NOX4: variants seen among roughly 807,000 people sequenced by gnomAD.
NOX4 encodes NADPH oxidase 4.
NOX4 carries 69 observed loss-of-function variants against 87.6 expected under a neutral mutation model. The observed-to-expected ratio is 0.79, with a 90% CI of 0.65 to 0.96. The LOEUF is 0.96. NOX4 is among the 40% of genes least tolerant of loss of function. NOX4 has a pLI of 0.00. For synonymous variants in NOX4, 275 were observed against 238.2 expected (o/e 1.15, Z -1.42); for missense variants, 680 against 681.5 (o/e 1.00, Z 0.02).
Position 89,325,314 on chromosome 11 carries a change from G to C in NOX4, c.*1442C>G, listed in dbSNP as rs776081720. ...AATATTTGTATTTTTAGTAGCGATGGGGTTTCACCAACTTGGTCAGGCTGG... is the reference window on the plus strand; with the variant it reads ...AATATTTGTATTTTTAGTAGCGATGCGGTTTCACCAACTTGGTCAGGCTGG... On this transcript the variant is annotated 3_prime_UTR_variant, in exon 18 of 18. Coordinates refer to ENST00000263317, the MANE Select transcript of NOX4 (RefSeq NM_016931.5). 1 of 151,844 alleles carries C rather than the reference G, an allele frequency of 6.6e-6. No homozygotes were observed. Among genetic ancestry groups the C allele is most frequent in the Non-Finnish European group, 1.5e-5 (1 of 67,988 alleles). 9.4% of individuals were successfully genotyped at this position (151,844 alleles called of 1,614,324 possible).
At chr11:89,470,604 C>T (rs1945890740) in intron 2 of NOX4, among the ~76,000 whole-genome samples, 1 of 152,136 alleles carries the variant, frequency 6.6e-6, no homozygotes, top group African/African-American at 2.4e-5. Flanking sequence ...ACCCTCCACT[C>T]TCTCTCTATT....
intron 2 of NOX4, among the ~76,000 whole-genome samples, chr11:89,468,562 T>C (rs935849307): frequency 2.6e-5 from 4 of 152,200 alleles, no homozygotes; most frequent in Admixed American, 2.0e-4. Context: ...CATATAGGTT[T>C]TCTTCACATG....
At chr11:89,524,134 G>A in the NOX4 span, among the ~76,000 whole-genome samples, 1 of 152,220 alleles carries the variant, frequency 6.6e-6, no homozygotes. Flanking sequence ...AGTAGATGCT[G>A]TTTATTCTCC....
chr11:89,436,419 G>T (rs1944084412), intron 6 of NOX4, among the ~76,000 whole-genome samples: 2 of 152,274 alleles, frequency 1.3e-5, no homozygotes, highest in South Asian at 4.1e-4. Flanking sequence ...AAAGTTGCTT[G>T]TCCAAGTGAA....
chr11:89,566,804 G>T, the NOX4 span, among the ~76,000 whole-genome samples: 1 of 152,166 alleles, frequency 6.6e-6, no homozygotes, highest in Non-Finnish European at 1.5e-5. Flanking sequence ...ACCAGGACTT[G>T]TTCCCAGCCC....
At chr11:89,412,989 A>G (rs1191123443) in intron 8 of NOX4, among the ~76,000 whole-genome samples, 1 of 152,124 alleles carries the variant, frequency 6.6e-6, no homozygotes, top group Admixed American at 6.5e-5. Context: ...TAAGAAAAAA[A>G]TCTAATAATC....
intron 4 of NOX4, among the ~76,000 whole-genome samples, chr11:89,444,760 T>C (rs1944615646): frequency 6.6e-6 from 1 of 152,090 alleles, no homozygotes. Context: ...TAAATCATAA[T>C]ATTCTTAACC....
At chr11:89,473,002 A>C (rs548707427) in intron 2 of NOX4, among the ~76,000 whole-genome samples, 1 of 152,184 alleles carries the variant, frequency 6.6e-6, no homozygotes, top group Non-Finnish European at 1.5e-5. Context: ...CAAGTGAAAA[A>C]GGTTTGACCT....
At chr11:89,492,308 T>A (rs545256014), upstream of NOX4, 1 of 152,268 alleles carries the variant, frequency 6.6e-6, no homozygotes, top group East Asian at 1.9e-4. Flanking sequence ...CCAATAAAGG[T>A]TTGTTAAACC....
rs982464878 is a variant in NOX4, at chr11:89,400,095, C to G, written c.1012-16G>C. 1.9e-6 allele frequency: 3 copies of G among 1,594,428 alleles called. No individual in the cohort carries two copies. Among genetic ancestry groups the G allele is most frequent in the Non-Finnish European group, 2.6e-6 (3 of 1,167,122 alleles). On this transcript the variant is annotated splice_polypyrimidine_tract_variant and intron_variant, in intron 10 of 17. Coordinates refer to ENST00000263317, the MANE Select transcript of NOX4 (RefSeq NM_016931.5). Reference sequence around the variant, plus strand: ...GAGTAATATACTAAAAAGCAACAAACAGATAAGTTTTAAATGACCAATTAA... The same window carrying G: ...GAGTAATATACTAAAAAGCAACAAAGAGATAAGTTTTAAATGACCAATTAA...
intron 3 of NOX4, among the ~76,000 whole-genome samples, chr11:89,450,644 C>T (rs1036721369): frequency 2.0e-5 from 3 of 151,780 alleles, no homozygotes; most frequent in South Asian, 2.1e-4. Context: ...CATATGTATA[C>T]ATGTGCCATG....
At chr11:89,337,766 C>T (rs1028240762) in intron 15 of NOX4, among the ~76,000 whole-genome samples, 2 of 151,914 alleles carry the variant, frequency 1.3e-5, no homozygotes, top group Non-Finnish European at 2.9e-5. Flanking sequence ...TTTCTGTTAT[C>T]TTTATAGATA....
intron 6 of NOX4, among the ~76,000 whole-genome samples, chr11:89,433,995 T>C (rs1943953269): frequency 6.6e-6 from 1 of 152,042 alleles, no homozygotes. Flanking sequence ...GTCCTGAATA[T>C]CCCATCTGAG....
At chr11:89,342,298 G>A (rs1291905718) in intron 13 of NOX4, 105 bp from the exon 14 acceptor site, 8 of 971,778 alleles carry the variant, frequency 8.2e-6, no homozygotes, top group African/African-American at 6.7e-5. Flanking sequence ...ATTTTGTGAT[G>A]GGTCAGGCCT....
At position 89,363,186 on chromosome 11, in the gene NOX4, C is replaced by T. The variant is rs146371143; in HGVS notation, c.1136-8143G>A. On this transcript the variant is annotated intron_variant, in intron 12 of 17. Transcript: ENST00000263317. The stretch of plus-strand genomic sequence containing the variant: ...TGCTGGTAACAAAAAGCAAAAGAAG[C>T]GGAGAGGTTTTATAAAAAATAAAAC... Among the ~76,000 whole-genome samples the T allele has an allele frequency of 2.2e-4, 34 of 151,970 alleles. 1 individual carries two copies. The highest frequency in any genetic ancestry group is 6.5e-4 in the African/African-American group (27 of 41,466).
chr11:89,480,734 A>G (rs1185954029), intron 2 of NOX4, among the ~76,000 whole-genome samples: 2 of 152,104 alleles, frequency 1.3e-5, no homozygotes, highest in African/African-American at 2.4e-5. Context: ...ACTTGGCACA[A>G]TGTCAGGCCC....
chr11:89,515,571 A>G, the NOX4 span, among the ~76,000 whole-genome samples: 1 of 151,572 alleles, frequency 6.6e-6, no homozygotes, highest in East Asian at 1.9e-4. Flanking sequence ...TAATGTTTGT[A>G]AATCCCAATT....
At chr11:89,451,740 T>A (rs755073700) in intron 3 of NOX4, 45 bp downstream of exon 3, 7 of 1,328,188 alleles carry the variant, frequency 5.3e-6, no homozygotes, top group Non-Finnish European at 7.6e-6. Flanking sequence ...ACTGTTACAC[T>A]TGATTTTTAT....
chr11:89,398,523 T>C (rs1385503957), intron 11 of NOX4, among the ~76,000 whole-genome samples: 1 of 151,758 alleles, frequency 6.6e-6, no homozygotes, highest in Non-Finnish European at 1.5e-5. Context: ...TCTTAAGTTA[T>C]TTAAGTAAAG....
Sources: gnomAD v4.1 joint callset for allele counts (sites outside exome capture counted in the v4.1 genomes callset) on GRCh38, gnomAD v4.1.1 for gene constraint, MANE v1.5 for transcripts, NCBI Gene and HGNC (gene_info 2026-07-23, HGNC 2026-07-21) for gene names.